ULK2: variants seen among roughly 807,000 people sequenced by gnomAD.
The protein encoded by ULK2 is serine/threonine-protein kinase ULK2.
ULK2 carries 76 observed loss-of-function variants against 127.5 expected under a neutral mutation model. The observed-to-expected ratio is 0.60, with a 90% CI of 0.50 to 0.72. The LOEUF (loss-of-function observed/expected upper bound fraction) is 0.72. Ranked by LOEUF, ULK2 falls within the 30% of genes least tolerant of loss-of-function variation. ULK2 has a pLI of 0.00. For synonymous variants in ULK2, 452 were observed against 461.9 expected (o/e 0.98, Z 0.28); for missense variants, 1,144 against 1,295.9 (o/e 0.88, Z 1.80).
At chr17:19,814,436 A>T (rs56194055) in intron 13 of ULK2, among the ~76,000 whole-genome samples, 6,883 of 21,964 alleles carry the variant, frequency 0.31, 473 homozygotes, top group Non-Finnish European at 0.35. Context: ...ATATATATAT[A>T]TATTTTTTTT....
intron 12 of ULK2, among the ~76,000 whole-genome samples, chr17:19,817,235 G>A (rs1284191051): frequency 6.6e-6 from 1 of 152,058 alleles, no homozygotes; most frequent in East Asian, 1.9e-4. Context: ...AACATCCCCC[G>A]GTTCTAGCTC....
intron 14 of ULK2, among the ~76,000 whole-genome samples, chr17:19,807,782 T>C (rs1190449408): frequency 1.3e-5 from 2 of 152,184 alleles, no homozygotes; most frequent in African/African-American, 4.8e-5. Context: ...ATCCCCGTGG[T>C]TCCCAAACTG....
At chr17:19,800,109 C>T (rs1214258307) in intron 16 of ULK2, among the ~76,000 whole-genome samples, 1 of 152,174 alleles carries the variant, frequency 6.6e-6, no homozygotes, top group Non-Finnish European at 1.5e-5. Context: ...CAGACCTACA[C>T]CACAGTCTGA....
rs1597698532 is a variant in ULK2 at position 19,777,462 on chromosome 17, G to A, written c.3052+119C>T. 23 of 1,145,528 alleles carry A rather than the reference G, an allele frequency of 2.0e-5. No homozygotes were observed. The East Asian group carries it at 5.7e-4, about 28-fold the overall frequency. The allele number at this position is 1,145,528 out of a possible 1,614,324, so 71.0% of individuals were successfully genotyped here. ...CACACAAAGGCTGTGATTTGCACAA[G>A]GCTGGAAAGCCACGATTCAAACCAA... is the stretch of plus-strand genomic sequence containing the variant. On this transcript the variant is annotated intron_variant, in intron 26 of 26. Transcript: ENST00000395544.
At chr17:19,824,443 T>C (rs1174152514) in intron 12 of ULK2, among the ~76,000 whole-genome samples, 2 of 64,578 alleles carry the variant, frequency 3.1e-5, no homozygotes, top group East Asian at 5.5e-4. Flanking sequence ...CGAAACTCCA[T>C]CTCAAAAAAA....
At chr17:19,799,466 T>G (rs1196330665) in intron 17 of ULK2, 29 bp downstream of exon 17, 2 of 1,490,320 alleles carry the variant, frequency 1.3e-6, no homozygotes, top group Non-Finnish European at 1.8e-6. Context: ...ACAATTCAAA[T>G]TATTAATAAA....
chr17:19,836,666 G>A (rs2041605208), intron 10 of ULK2, among the ~76,000 whole-genome samples: 2 of 152,074 alleles, frequency 1.3e-5, no homozygotes, highest in African/African-American at 2.4e-5. Flanking sequence ...CAGCACTTTG[G>A]GAGGCTGAGG....
At position 19,796,162 on chromosome 17, in the gene ULK2, G is replaced by A. The variant is rs773870553; in HGVS notation, c.1930C>T (p.His644Tyr). The stretch of plus-strand genomic sequence containing the variant: ...TCACTTCCTTGCACTAAGAGGCAAT[G>A]GGCACATTCCCGTGGCTCATTCCCA... ...KDGNEPRECA[H>Y]CLLVQGSERQ... The change falls in exon 19 of 27, where the codon CAT (histidine) becomes TAT (tyrosine). Residue 644 changes from histidine (H) to tyrosine (Y), a missense_variant. Transcript: ENST00000395544. The A allele has an allele frequency of 1.9e-6, 3 of 1,614,174 alleles. No homozygotes were observed. The highest frequency in any genetic ancestry group is 2.2e-5 in the South Asian group (2 of 91,078).
At chr17:19,803,672 T>C (rs1457289458) in intron 15 of ULK2, among the ~76,000 whole-genome samples, 1 of 152,218 alleles carries the variant, frequency 6.6e-6, no homozygotes, top group African/African-American at 2.4e-5. Flanking sequence ...CTTCACTCTT[T>C]GTGGAATGGA....
chr17:19,852,804 G>T (rs555860696), intron 3 of ULK2, among the ~76,000 whole-genome samples: 9 of 151,188 alleles, frequency 6.0e-5, no homozygotes, highest in Middle Eastern at 6.8e-3. Context: ...CTAGTTTTTT[G>T]TTGTTGTTGT....
chr17:19,867,527 G>A lies in ULK2; in HGVS notation c.-110C>T, dbSNP rs1372034438. The A allele has an allele frequency of 9.2e-6, 6 of 648,822 alleles. No homozygotes were observed. The highest frequency in any genetic ancestry group is 5.8e-5 in the African/African-American group (3 of 51,342). The allele number at this position is 648,822 out of a possible 1,614,324, so 40.2% of individuals were successfully genotyped here. ...CGCGCCAGCGTGCGGCGGGTCTGGGGCAGCCGCAGCCCCGGGCCCGGGCGG... is the reference window on the plus strand; with the variant it reads ...CGCGCCAGCGTGCGGCGGGTCTGGGACAGCCGCAGCCCCGGGCCCGGGCGG... On this transcript the variant is annotated 5_prime_UTR_variant, in exon 1 of 27. Transcript: ENST00000395544.
In ULK2 at chr17:19,860,734, C is replaced by T. The variant is rs569274871; in HGVS notation, c.225+4069G>A. ...AGACAGGGTTTCTCCATGTTGGTCACGCTGGTCTCAAACTCCTGACCTCAG... is the reference window on the plus strand; with the variant it reads ...AGACAGGGTTTCTCCATGTTGGTCATGCTGGTCTCAAACTCCTGACCTCAG... On this transcript the variant is annotated intron_variant, in intron 3 of 26. Coordinates refer to ENST00000395544, the MANE Select transcript of ULK2 (RefSeq NM_014683.4). Among the ~76,000 whole-genome samples the T allele has an allele frequency of 2.3e-3, 346 of 152,072 alleles. 1 individual carries two copies. The highest frequency in any genetic ancestry group is 0.011 in the South Asian group (55 of 4,804).
intron 25 of ULK2, 115 bp from the exon 26 acceptor site, chr17:19,777,831 T>C (rs1037033038): frequency 1.3e-5 from 16 of 1,267,028 alleles, no homozygotes; most frequent in Admixed American, 8.5e-5. Context: ...TTTGGTAAAG[T>C]GATACAGTCT....
intron 7 of ULK2, among the ~76,000 whole-genome samples, chr17:19,843,528 C>T (rs181963340): frequency 3.0e-4 from 45 of 152,172 alleles, no homozygotes; most frequent in Admixed American, 4.6e-4. Flanking sequence ...GAAAAATACA[C>T]ACCATAGGAC....
intron 6 of ULK2, among the ~76,000 whole-genome samples, 165 bp downstream of exon 6, chr17:19,846,572 G>A (rs941177772): frequency 1.1e-4 from 16 of 150,820 alleles, no homozygotes; most frequent in African/African-American, 3.7e-4. Flanking sequence ...CCCAGGAGGC[G>A]TAGGTTGCAG....
chr17:19,845,911 C>T (rs1209520111), intron 6 of ULK2, among the ~76,000 whole-genome samples: 1 of 151,964 alleles, frequency 6.6e-6, no homozygotes, highest in African/African-American at 2.4e-5. Context: ...GAGCTCGAGA[C>T]CAGCCTGGCC....
rs770804010 is a variant in ULK2 at position 19,816,718 on chromosome 17, T to TA, written c.1096+30dup. 4 of 1,502,740 alleles carry TA rather than the reference T, an allele frequency of 2.7e-6. No individual in the cohort carries two copies. The African/African-American group carries it at 5.7e-5, about 22-fold the overall frequency. 93.1% of individuals were successfully genotyped at this position (1,502,740 alleles called of 1,614,324 possible). On this transcript the variant is annotated intron_variant, in intron 13 of 26. Transcript: ENST00000395544. ...GATGCTAGTTTAGTAGATTAAGAAA[T>TA]ACAATGTGTACAAGTAGAAAAGATT...
Position 19,864,836 on chromosome 17 carries a change from C to A in ULK2, c.192G>T (p.Gln64His). The A allele has an allele frequency of 7.6e-7, 1 of 1,321,382 alleles. No individual in the cohort carries two copies. The highest frequency in any genetic ancestry group is 1.0e-6 in the Non-Finnish European group (1 of 1,000,550). 81.9% of individuals were successfully genotyped at this position (1,321,382 alleles called of 1,614,324 possible). The part of the protein sequence containing the change: ...GKEIKILKEL[Q>H]HENIVALYDV... ...CATAGAGTGCTACAATATTTTCATG[C>A]TGAAGTTCCTATTAAGAAAATTGAG... Residue 64 changes from glutamine (Q) to histidine (H), a missense_variant, in exon 3 of 27, where the codon CAG becomes CAT. Gln to His is a conservative substitution (Grantham distance 24). Transcript: ENST00000395544.
At chr17:19,825,645 G>A (rs2041269863) in intron 11 of ULK2, among the ~76,000 whole-genome samples, 1 of 151,794 alleles carries the variant, frequency 6.6e-6, no homozygotes, top group African/African-American at 2.4e-5. Flanking sequence ...AGGAAGCAGA[G>A]GTTGTACCAC....
Sources: allele counts gnomAD v4.1 joint callset (sites outside exome capture counted in the v4.1 genomes callset), GRCh38; gene constraint gnomAD v4.1.1; transcripts MANE v1.5; gene names NCBI Gene and HGNC (gene_info 2026-07-23, HGNC 2026-07-21).